The following KIF1B variants were observed in gnomAD, a reference collection of about 807,000 sequenced individuals.
KIF1B encodes kinesin-like protein KIF1B.
A neutral mutation model predicts 241.9 loss-of-function variants in KIF1B; 76 were observed. The observed-to-expected ratio is 0.31, with a 90% CI of 0.26 to 0.38. The LOEUF (loss-of-function observed/expected upper bound fraction) is 0.38. KIF1B is among the 10% of genes least tolerant of loss of function. The pLI is 1.00. For synonymous variants in KIF1B, 750 were observed against 796.7 expected (o/e 0.94, Z 0.99); for missense variants, 1,622 against 2,271.4 (o/e 0.71, Z 5.81).
chr1:10,280,215 T>A (rs1199973961), intron 14 of KIF1B, among the ~76,000 whole-genome samples: 1 of 152,054 alleles, frequency 6.6e-6, no homozygotes, highest in Non-Finnish European at 1.5e-5. Context: ...AGATTTGTAC[T>A]GAGTTATTTC....
chr1:10,347,799 C>A lies in KIF1B; in HGVS notation c.3836C>A (p.Pro1279His). 1 of 1,613,416 alleles carries A rather than the reference C, an allele frequency of 6.2e-7. No individual in the cohort carries two copies. Among genetic ancestry groups the A allele is most frequent in the South Asian group, 1.1e-5 (1 of 91,046 alleles). Residue 1279 changes from proline to histidine, a missense_variant, in exon 36 of 49, where the codon CCT (proline) becomes CAT (histidine). Around this residue, in one of 7 missense-constraint regions of KIF1B, gnomAD observed 803 missense variants for 1,112.0 expected, o/e 0.72. Transcript: ENST00000676179. ...GTGGTTGACCACACAGCAGGCTTGC[C>A]TTGCCAGGGGACATTTTTGCTTCAT... Reference protein sequence around the residue: ...PAVVDHTAGLPCQGTFLLHQG... With the variant: ...PAVVDHTAGLHCQGTFLLHQG...
intron 1 of KIF1B, chr1:10,230,653 C>T (rs1646968456): frequency 6.6e-6 from 1 of 152,098 alleles, no homozygotes; most frequent in Non-Finnish European, 1.5e-5. Flanking sequence ...CTAGGCTGGT[C>T]TTGATCTCCT....
Position 10,290,222 on chromosome 1 carries a change from G to A in KIF1B, c.1435-860G>A, listed in dbSNP as rs536402085. Among the ~76,000 whole-genome samples, 45 of 152,108 alleles carry A rather than the reference G, an allele frequency of 3.0e-4. 1 individual carries two copies. The highest frequency in any genetic ancestry group is 5.3e-4 in the Non-Finnish European group (36 of 67,988). ...GCAGAATGTGTAGGCTTGTTACATA[G>A]GAATACATGTGCCATGGTGGTTTGC... On this transcript the variant is annotated intron_variant, in intron 15 of 48. Transcript: ENST00000676179.
intron 27 of KIF1B, among the ~76,000 whole-genome samples, chr1:10,334,255 A>G (rs927933832): frequency 2.0e-5 from 3 of 151,194 alleles, no homozygotes; most frequent in African/African-American, 7.3e-5. Context: ...TCCAGGTGTG[A>G]CTCTTCTCCC....
chr1:10,346,804 G>C (rs948298355), intron 35 of KIF1B, among the ~76,000 whole-genome samples: 1 of 152,160 alleles, frequency 6.6e-6, no homozygotes. Flanking sequence ...CCTAGACCAG[G>C]GTTTCTCAAC....
At chr1:10,269,036 ACTC>A (rs1648634113) in intron 7 of KIF1B, among the ~76,000 whole-genome samples, 1 of 152,026 alleles carries the variant, frequency 6.6e-6, no homozygotes, top group Non-Finnish European at 1.5e-5. Flanking sequence ...GTTGAATACT[ACTC>A]TATCTGCATC....
chr1:10,328,241 A>C (rs778211813), intron 27 of KIF1B, among the ~76,000 whole-genome samples: 2 of 152,216 alleles, frequency 1.3e-5, no homozygotes, highest in Non-Finnish European at 2.9e-5. Flanking sequence ...GGTATTGGTC[A>C]CATGGTCGGA....
At chr1:10,212,321 T>C (rs1646703850) in intron 1 of KIF1B, among the ~76,000 whole-genome samples, 1 of 152,228 alleles carries the variant, frequency 6.6e-6, no homozygotes, top group South Asian at 2.1e-4. Flanking sequence ...TAAGTTGATA[T>C]GGTTGCTGGA....
chr1:10,320,647 C>G (rs957906603), intron 23 of KIF1B, among the ~76,000 whole-genome samples: 5 of 152,170 alleles, frequency 3.3e-5, no homozygotes, highest in Admixed American at 6.6e-5. Context: ...GTTTTTCTAC[C>G]CAACCTCTTG....
intron 38 of KIF1B, among the ~76,000 whole-genome samples, chr1:10,354,612 A>G (rs191812124): frequency 1.6e-4 from 25 of 152,326 alleles, no homozygotes; most frequent in African/African-American, 5.8e-4. Flanking sequence ...TTATGTTTTC[A>G]TATTTCATTG....
chr1:10,307,213 G>C (rs1650872857), intron 22 of KIF1B: 1 of 1,027,658 alleles, frequency 9.7e-7, no homozygotes, highest in Non-Finnish European at 1.2e-6. Flanking sequence ...GAATAACTCT[G>C]TATGAATAAA....
chr1:10,245,178 C>G (rs1472926380), intron 2 of KIF1B, among the ~76,000 whole-genome samples: 2 of 152,104 alleles, frequency 1.3e-5, no homozygotes, highest in African/African-American at 4.8e-5. Flanking sequence ...CTTGTTTTGA[C>G]TGCCTTATTT....
intron 14 of KIF1B, among the ~76,000 whole-genome samples, chr1:10,279,641 C>CTT (rs1649301274): frequency 6.8e-6 from 1 of 146,834 alleles, no homozygotes; most frequent in East Asian, 2.0e-4. Context: ...TGCTAAGTTG[C>CTT]TTTTCTCCAT....
intron 2 of KIF1B, among the ~76,000 whole-genome samples, chr1:10,247,478 A>G (rs1647241106): frequency 6.6e-6 from 1 of 152,224 alleles, no homozygotes; most frequent in African/African-American, 2.4e-5. Flanking sequence ...TGCTGTCATT[A>G]GAATGTAAGC....
chr1:10,335,981 C>T (rs1034678963), intron 28 of KIF1B, among the ~76,000 whole-genome samples: 10 of 152,174 alleles, frequency 6.6e-5, no homozygotes, highest in African/African-American at 1.9e-4. Flanking sequence ...TCAGCCTTTC[C>T]CCTATGGAAA....
chr1:10,367,198 C>T (rs1241880877), intron 43 of KIF1B, among the ~76,000 whole-genome samples: 6 of 151,204 alleles, frequency 4.0e-5, no homozygotes, highest in East Asian at 4.1e-4. Context: ...CAGGTTCAAG[C>T]GATTCTCCTT....
chr1:10,348,860 C>G (rs1365688457), intron 37 of KIF1B, 127 bp downstream of exon 37: 3 of 738,188 alleles, frequency 4.1e-6, no homozygotes, highest in Non-Finnish European at 2.4e-6. Flanking sequence ...CCTGTAGCCT[C>G]AAACTCCTGG....
At chr1:10,366,697 G>T (rs1028118196) in intron 43 of KIF1B, among the ~76,000 whole-genome samples, 1 of 152,198 alleles carries the variant, frequency 6.6e-6, no homozygotes, top group African/African-American at 2.4e-5. Flanking sequence ...TTCTGGCGAG[G>T]GGCGGTGGCT....
intron 2 of KIF1B, among the ~76,000 whole-genome samples, chr1:10,253,040 A>G (rs976273462): frequency 1.3e-5 from 2 of 152,266 alleles, no homozygotes; most frequent in Admixed American, 6.5e-5. Flanking sequence ...AGAGAATTTT[A>G]AACAATGCCT....
Sources: allele counts gnomAD v4.1 joint callset (sites outside exome capture counted in the v4.1 genomes callset), GRCh38; gene constraint gnomAD v4.1.1; regional missense constraint gnomAD v4.1.1; transcripts MANE v1.5; gene names NCBI Gene and HGNC (gene_info 2026-07-23, HGNC 2026-07-21).